TNNI3K: variants seen among roughly 807,000 people sequenced by gnomAD.
TNNI3K encodes TNNI3 interacting kinase.
A neutral mutation model predicts 114.5 loss-of-function variants in TNNI3K; 140 were observed. The observed-to-expected ratio is 1.22, with a 90% CI of 1.07 to 1.41. TNNI3K has a LOEUF of 1.41. Among genes scored for constraint, TNNI3K ranks in the 40% most tolerant of loss-of-function variants. The probability of loss-of-function intolerance (pLI) is 0.00; values close to 1 mark genes in which losing one functional copy is unlikely to be tolerated. For missense variants in TNNI3K, 1,125 were observed against 1,007.6 expected (o/e 1.12, Z -1.58); for synonymous variants, 347 against 347.5 (o/e 1.00, Z 0.02).
chr1:74,418,874 C>A (rs897131837), intron 17 of TNNI3K, among the ~76,000 whole-genome samples: 1 of 152,078 alleles, frequency 6.6e-6, no homozygotes, highest in African/African-American at 2.4e-5. Flanking sequence ...TTAGTTGTGG[C>A]TGATTGCTCC....
chr1:74,371,634 A>G (rs1235481939), intron 17 of TNNI3K: 1 of 151,856 alleles, frequency 6.6e-6, no homozygotes, highest in Non-Finnish European at 1.5e-5. Flanking sequence ...ATTTTAGTAT[A>G]CAAAGTGTAT....
At chr1:74,288,753 A>G (rs1445728669) in intron 5 of TNNI3K, among the ~76,000 whole-genome samples, 1 of 152,092 alleles carries the variant, frequency 6.6e-6, no homozygotes, top group African/African-American at 2.4e-5. Context: ...TTGCTAAGAG[A>G]GTAAATCTTA....
chr1:74,524,555 A>G (rs891141831), intron 23 of TNNI3K, among the ~76,000 whole-genome samples: 7 of 152,250 alleles, frequency 4.6e-5, no homozygotes, highest in Middle Eastern at 3.2e-3. Flanking sequence ...AATGATGCTC[A>G]TAAAAGATTT....
rs79452315 is a variant in TNNI3K at position 74,504,211 on chromosome 1, C to T, written c.2351+11945C>T. On this transcript the variant is annotated intron_variant, in intron 23 of 24. Transcript: ENST00000326637. Reference sequence around the variant, plus strand: ...TATCTTACAAATCACCAGAATTGGACATAGTCTGTGATGAAAGGTGATAGG... The same window carrying T: ...TATCTTACAAATCACCAGAATTGGATATAGTCTGTGATGAAAGGTGATAGG... 8.7e-3 allele frequency among the ~76,000 whole-genome samples: 1,319 copies of T among 152,322 alleles called. 17 individuals carry two copies. The highest frequency in any genetic ancestry group is 0.031 in the African/African-American group (1,269 of 41,566).
At chr1:74,305,607 C>A (rs1288848363) in intron 5 of TNNI3K, among the ~76,000 whole-genome samples, 1 of 152,142 alleles carries the variant, frequency 6.6e-6, no homozygotes, top group Non-Finnish European at 1.5e-5. Flanking sequence ...CAAGGCAAAT[C>A]CCCAGAGTGA....
At chr1:74,442,150 G>T (rs1666401768) in intron 20 of TNNI3K, among the ~76,000 whole-genome samples, 1 of 151,072 alleles carries the variant, frequency 6.6e-6, no homozygotes, top group Middle Eastern at 3.4e-3. Flanking sequence ...GGTTGAATTT[G>T]GTATTCTTTG....
At chr1:74,497,259 A>C (rs746986998) in intron 23 of TNNI3K, among the ~76,000 whole-genome samples, 4 of 152,318 alleles carry the variant, frequency 2.6e-5, no homozygotes, top group Non-Finnish European at 5.9e-5. Context: ...CATTTGCTTC[A>C]GTATAGCAGA....
chr1:74,516,583 A>G (rs998526401), intron 23 of TNNI3K, among the ~76,000 whole-genome samples: 1 of 152,150 alleles, frequency 6.6e-6, no homozygotes, highest in East Asian at 1.9e-4. Context: ...AAATAGACCC[A>G]GGCCTGCTGC....
intron 6 of TNNI3K, among the ~76,000 whole-genome samples, chr1:74,333,187 A>G (rs1436094446): frequency 6.6e-6 from 1 of 152,134 alleles, no homozygotes; most frequent in South Asian, 2.1e-4. Context: ...CCTGTGCTCA[A>G]TAGTCATTGT....
At chr1:74,469,763 CGTT>C in intron 21 of TNNI3K, 1 of 396,688 alleles carries the variant, frequency 2.5e-6, no homozygotes, top group South Asian at 1.4e-4. Context: ...TTACTGAGGA[CGTT>C]GTTGTCCTCC....
chr1:74,239,810 G>C (rs41289182), intron 2 of TNNI3K: 1 of 384,018 alleles, frequency 2.6e-6, no homozygotes, highest in African/African-American at 2.1e-5. Flanking sequence ...AAGACAGAAA[G>C]AGCTAAATAG....
At position 74,429,817 on chromosome 1, in the gene TNNI3K, T is replaced by C. The variant is rs1665808113; in HGVS notation, c.1773-6263T>C. 2.0e-5 allele frequency among the ~76,000 whole-genome samples: 3 copies of C among 152,258 alleles called. No homozygotes were observed. The East Asian group carries it at 5.8e-4, about 29-fold the overall frequency. ...TTAACCCTTGGAATGCTTCCAGGCA[T>C]GCTCACAGCCATGTGTCTTTAATCA... On this transcript the variant is annotated intron_variant, in intron 17 of 24. Coordinates refer to ENST00000326637, the MANE Select transcript of TNNI3K (RefSeq NM_015978.3).
At position 74,369,249 on chromosome 1, in the gene TNNI3K, TA is replaced by T; in HGVS notation, c.1458del (p.Ile486MetfsTer4). On this transcript the variant is annotated frameshift_variant, in exon 15 of 25. Coordinates refer to ENST00000326637, the MANE Select transcript of TNNI3K (RefSeq NM_015978.3). LOFTEE classifies it high-confidence loss of function. Reference sequence around the variant, plus strand: ...TATAAAGGACGATGCAGAAATAAAATAGTGGCTATAAAACGGTAAGCAAGCA... The same window carrying T: ...TATAAAGGACGATGCAGAAATAAAATGTGGCTATAAAACGGTAAGCAAGCA... ...KVYKGRCRNK[I>X]VAIKRYRANT... 6.2e-7 allele frequency: 1 copy of T among 1,612,118 alleles called. No homozygotes were observed. Among genetic ancestry groups the T allele is most frequent in the East Asian group, 2.2e-5 (1 of 44,820 alleles).
intron 7 of TNNI3K, chr1:74,342,067 T>C (rs180690412): frequency 2.0e-4 from 31 of 152,300 alleles, no homozygotes; most frequent in African/African-American, 7.0e-4. Context: ...CACCCTCTGC[T>C]ATTTCTGTTC....
At chr1:74,332,402 G>A (rs971349093) in intron 6 of TNNI3K, among the ~76,000 whole-genome samples, 9 of 151,552 alleles carry the variant, frequency 5.9e-5, no homozygotes, top group African/African-American at 1.5e-4. Context: ...CTGGGTTCAC[G>A]CCATTCTCCT....
chr1:74,426,734 T>G (rs1273216693), intron 17 of TNNI3K, among the ~76,000 whole-genome samples: 4 of 152,060 alleles, frequency 2.6e-5, no homozygotes, highest in African/African-American at 9.7e-5. Flanking sequence ...GAATAGGTGC[T>G]CAGAAGGTCC....
At chr1:74,258,286 C>A (rs2100865572) in intron 4 of TNNI3K, among the ~76,000 whole-genome samples, 1 of 152,276 alleles carries the variant, frequency 6.6e-6, no homozygotes, top group Non-Finnish European at 1.5e-5. Flanking sequence ...GCAGCTTCTT[C>A]TTCTCGGTTA....
At chr1:74,347,805 A>T (rs1471689500) in intron 9 of TNNI3K, among the ~76,000 whole-genome samples, 4 of 152,140 alleles carry the variant, frequency 2.6e-5, no homozygotes, top group Non-Finnish European at 5.9e-5. Context: ...TCTTCTTTTG[A>T]GAAGTGTCTG....
At chr1:74,520,209 T>C (rs1238278276) in intron 23 of TNNI3K, among the ~76,000 whole-genome samples, 1 of 152,058 alleles carries the variant, frequency 6.6e-6, no homozygotes, top group East Asian at 1.9e-4. Flanking sequence ...TGCATGTGCA[T>C]CCTCATATAC....
Sources: allele counts gnomAD v4.1 joint callset (sites outside exome capture counted in the v4.1 genomes callset), GRCh38; gene constraint gnomAD v4.1.1; transcripts MANE v1.5; gene names NCBI Gene and HGNC (gene_info 2026-07-23, HGNC 2026-07-21).